GRM1: variants seen among roughly 807,000 people sequenced by gnomAD.
GRM1 encodes glutamate metabotropic receptor 1, also known as metabotropic glutamate receptor 1.
Under a neutral mutation model 90.9 loss-of-function variants are expected in GRM1, and 33 were observed. That is an observed-to-expected ratio of 0.36 (90% CI 0.28 to 0.49). The LOEUF (loss-of-function observed/expected upper bound fraction) is 0.49, where lower values mean the gene tolerates loss of function less well. GRM1 is among the 20% of genes least tolerant of loss of function. The pLI, the probability that GRM1 is intolerant of heterozygous loss-of-function variation, is 0.99. For synonymous variants in GRM1, 700 were observed against 613.2 expected (o/e 1.14, Z -2.09); for missense variants, 1,190 against 1,534.3 (o/e 0.78, Z 3.75).
At chr6:146,234,607 C>G (rs886705757) in intron 2 of GRM1, among the ~76,000 whole-genome samples, 1 of 151,930 alleles carries the variant, frequency 6.6e-6, no homozygotes, top group Admixed American at 6.6e-5. Context: ...CCACTTCTTT[C>G]CTCTCATATT....
chr6:146,273,239 T>C (rs1196233678), intron 2 of GRM1, among the ~76,000 whole-genome samples: 1 of 152,150 alleles, frequency 6.6e-6, no homozygotes, highest in Non-Finnish European at 1.5e-5. Flanking sequence ...TGGTGAATAG[T>C]ATGGGGCTTC....
At chr6:146,043,770 A>G (rs1347449989) in intron 1 of GRM1, among the ~76,000 whole-genome samples, 1 of 102,852 alleles carries the variant, frequency 9.7e-6, no homozygotes, top group Non-Finnish European at 2.2e-5. Flanking sequence ...CTATTTTTGG[A>G]AAGAGTCAGG....
chr6:146,029,414 C>G lies in GRM1; in HGVS notation c.-104C>G. ...ACCATTGTTGGCGAGGGGCACCACT[C>G]CGGGAGAGGCGGCGCTGGGCGTCTT... On this transcript the variant is annotated 5_prime_UTR_variant, in exon 1 of 8. Coordinates refer to ENST00000282753, the MANE Select transcript of GRM1 (RefSeq NM_001278064.2). The G allele has an allele frequency of 1.1e-6, 1 of 910,564 alleles. No individual in the cohort carries two copies. The allele number at this position is 910,564 out of a possible 1,614,324, so 56.4% of individuals were successfully genotyped here.
intron 1 of GRM1, among the ~76,000 whole-genome samples, chr6:146,133,251 C>T (rs940178953): frequency 1.3e-5 from 2 of 152,166 alleles, no homozygotes; most frequent in Non-Finnish European, 2.9e-5. Flanking sequence ...ACATTACAGC[C>T]GAATTTGTCT....
At chr6:146,159,171 G>GT (rs1188868270) in intron 1 of GRM1, among the ~76,000 whole-genome samples, 177 bp from the exon 2 acceptor site, 27 of 152,152 alleles carry the variant, frequency 1.8e-4, no homozygotes, top group Admixed American at 5.2e-4. Flanking sequence ...TGATTGTCTG[G>GT]TTACATTTGA....
chr6:146,236,485 G>A (rs1260531006), intron 2 of GRM1, among the ~76,000 whole-genome samples: 1 of 152,066 alleles, frequency 6.6e-6, no homozygotes, highest in Admixed American at 6.6e-5. Flanking sequence ...CTCTGTGACT[G>A]GTGGTAGGCA....
intron 1 of GRM1, among the ~76,000 whole-genome samples, chr6:146,087,220 C>G (rs1424162690): frequency 6.6e-6 from 1 of 152,102 alleles, no homozygotes; most frequent in Non-Finnish European, 1.5e-5. Flanking sequence ...CTAAGCCTCT[C>G]CTGTGTCTTA....
intron 1 of GRM1, among the ~76,000 whole-genome samples, chr6:146,033,370 C>T (rs1036603391): frequency 6.6e-6 from 1 of 151,760 alleles, no homozygotes; most frequent in South Asian, 2.1e-4. Context: ...ACAGATTCCC[C>T]GTCAAAAAAA....
At position 146,029,917 on chromosome 6, in the gene GRM1, A is replaced by G. The variant is rs771362202; in HGVS notation, c.400A>G (p.Lys134Glu). The G allele has an allele frequency of 1.2e-6, 2 of 1,614,038 alleles. No individual in the cohort carries two copies. The highest frequency in any genetic ancestry group is 1.7e-5 in the Admixed American group (1 of 60,008). The change falls in exon 1 of 8, where the codon AAG (lysine) becomes GAG (glutamate). Residue 134 changes from lysine (K) to glutamate (E), a missense_variant. This residue lies in a region of GRM1 where 91 missense variants were observed against 95.6 expected (regional missense o/e 0.95). Coordinates refer to ENST00000282753, the MANE Select transcript of GRM1 (RefSeq NM_001278064.2). ...RDSLISIRDEKDGINRCLPDG... is the reference protein window; with the variant it reads ...RDSLISIRDEEDGINRCLPDG... ...CTCTCTGATTTCCATTCGAGATGAG[A>G]AGGATGGGATCAACCGGTGTCTGCC...
At chr6:146,380,680 C>G (rs1359837052) in intron 5 of GRM1, among the ~76,000 whole-genome samples, 1 of 152,062 alleles carries the variant, frequency 6.6e-6, no homozygotes, top group East Asian at 1.9e-4. Context: ...TCTGCTTCTC[C>G]CAAGCAGAAG....
At chr6:146,086,739 A>C (rs1171576524) in intron 1 of GRM1, among the ~76,000 whole-genome samples, 1 of 152,084 alleles carries the variant, frequency 6.6e-6, no homozygotes, top group African/African-American at 2.4e-5. Flanking sequence ...ACTGGTAGGC[A>C]GTGCAGATAT....
chr6:146,291,332 A>T (rs539612949), intron 2 of GRM1, among the ~76,000 whole-genome samples: 3 of 151,230 alleles, frequency 2.0e-5, no homozygotes, highest in African/African-American at 4.8e-5. Flanking sequence ...GCTTTTTTTG[A>T]TAAATATATC....
chr6:146,374,858 A>G (rs1314800444), intron 5 of GRM1, among the ~76,000 whole-genome samples: 1 of 151,624 alleles, frequency 6.6e-6, no homozygotes, highest in Admixed American at 6.6e-5. Context: ...TTTCATTTCA[A>G]TTTGATTTAT....
chr6:146,404,362 A>G (rs1583451515), intron 7 of GRM1, among the ~76,000 whole-genome samples: 1 of 152,120 alleles, frequency 6.6e-6, no homozygotes, highest in East Asian at 1.9e-4. Flanking sequence ...CCCTGACTGC[A>G]CCAATCTTGC....
At chr6:146,239,975 G>A (rs1203532893) in intron 2 of GRM1, among the ~76,000 whole-genome samples, 2 of 152,122 alleles carry the variant, frequency 1.3e-5, no homozygotes, top group Admixed American at 1.3e-4. Flanking sequence ...TGCCTATCAA[G>A]TGCTGTCTGA....
chr6:146,411,423 A>G (rs1161429293), intron 7 of GRM1, among the ~76,000 whole-genome samples: 3 of 152,178 alleles, frequency 2.0e-5, no homozygotes, highest in African/African-American at 7.2e-5. Context: ...ACAAGACTGG[A>G]CAGGCCTCTA....
rs1356325345 is a variant in GRM1, at chr6:146,304,862, A to C, written c.1186+16A>C. 1 of 1,516,168 alleles carries C rather than the reference A, an allele frequency of 6.6e-7. No homozygotes were observed. The highest frequency in any genetic ancestry group is 9.2e-7 in the Non-Finnish European group (1 of 1,090,572). 93.9% of individuals were successfully genotyped at this position (1,516,168 alleles called of 1,614,324 possible). On this transcript the variant is annotated intron_variant, in intron 3 of 7. Transcript: ENST00000282753. Reference sequence around the variant, plus strand: ...ATCTGCACAGGTAACTCATGTTCACAAAATAACAACTCAGAGGTTTGGTCA... The same window carrying C: ...ATCTGCACAGGTAACTCATGTTCACCAAATAACAACTCAGAGGTTTGGTCA...
chr6:146,145,754 C>T (rs1777070404), intron 1 of GRM1, among the ~76,000 whole-genome samples: 1 of 152,166 alleles, frequency 6.6e-6, no homozygotes, highest in South Asian at 2.1e-4. Flanking sequence ...GGAGCTTCTG[C>T]AGAGTACTCA....
chr6:146,187,470 T>G (rs879457016), intron 2 of GRM1, among the ~76,000 whole-genome samples: 9 of 152,096 alleles, frequency 5.9e-5, no homozygotes, highest in Non-Finnish European at 1.2e-4. Context: ...ATCCCCTTAC[T>G]TGTATGAGAG....
Sources: allele counts gnomAD v4.1 joint callset (sites outside exome capture counted in the v4.1 genomes callset), GRCh38; gene constraint gnomAD v4.1.1; regional missense constraint gnomAD v4.1.1; transcripts MANE v1.5; gene names NCBI Gene and HGNC (gene_info 2026-07-23, HGNC 2026-07-21).